ZNF611: variants seen among roughly 807,000 people sequenced by gnomAD.
The protein encoded by ZNF611 is zinc finger protein 611.
A neutral mutation model predicts 8.9 loss-of-function variants in ZNF611; 6 were observed. The observed-to-expected ratio is 0.68, with a 90% CI of 0.37 to 1.34. The LOEUF (loss-of-function observed/expected upper bound fraction) is 1.34, where lower values mean the gene tolerates loss of function less well. Among genes scored for constraint, ZNF611 ranks in the 40% most tolerant of loss-of-function variants. ZNF611 has a pLI of 0.02. For synonymous variants in ZNF611, 262 were observed against 279.7 expected (o/e 0.94, Z 0.63); for missense variants, 874 against 841.3 (o/e 1.04, Z -0.48).
In ZNF611 at chr19:52,706,829, A is replaced by G; in HGVS notation, c.226T>C (p.Ser76Pro). The G allele has an allele frequency of 6.2e-7, 1 of 1,610,536 alleles. No homozygotes were observed. Residue 76 changes from serine (S) to proline (P), a missense_variant, in exon 6 of 6, where the codon TCA becomes CCA. Physicochemically the swap from Ser to Pro is moderately conservative, Grantham distance 74 (BLOSUM62 -1). Transcript: ENST00000652185. Reference protein sequence around the residue: ...SSKCMMKEVLSTGQGNTEVIH... With the variant: ...SSKCMMKEVLPTGQGNTEVIH... ...ACTTCTGTATTGCCTTGCCCTGTTGACAAGACCTCCTTCATCATGCATTTG... is the reference window on the plus strand; with the variant it reads ...ACTTCTGTATTGCCTTGCCCTGTTGGCAAGACCTCCTTCATCATGCATTTG...
intron 5 of ZNF611, among the ~76,000 whole-genome samples, 163 bp from the exon 6 acceptor site, chr19:52,707,027 G>A (rs553254086): frequency 2.4e-4 from 36 of 151,886 alleles, no homozygotes; most frequent in Non-Finnish European, 3.8e-4. Context: ...GTAAATAAAG[G>A]GTGATTACAT....
At chr19:52,725,591 G>GGA (rs1480370673) in intron 3 of ZNF611, among the ~76,000 whole-genome samples, 4 of 152,178 alleles carry the variant, frequency 2.6e-5, no homozygotes, top group Non-Finnish European at 5.9e-5. Flanking sequence ...ACTCTTATGG[G>GGA]CGTCTCAATT....
intron 3 of ZNF611, among the ~76,000 whole-genome samples, chr19:52,718,377 T>G (rs566940298): frequency 6.6e-6 from 1 of 151,928 alleles, no homozygotes; most frequent in African/African-American, 2.4e-5. Flanking sequence ...TGGTGGGGCG[T>G]GCCTGTGGTC....
At chr19:52,734,545 G>C (rs1466231167) in intron 1 of ZNF611, among the ~76,000 whole-genome samples, 1 of 50,874 alleles carries the variant, frequency 2.0e-5, no homozygotes, top group Admixed American at 1.7e-4. Flanking sequence ...GCGGGGGGGG[G>C]GGGCGCGACG....
In ZNF611 at chr19:52,706,119, T is replaced by C; in HGVS notation, c.936A>G (p.Val312=). The C allele has an allele frequency of 1.9e-6, 3 of 1,613,828 alleles. No homozygotes were observed. The highest frequency in any genetic ancestry group is 1.7e-6 in the Non-Finnish European group (2 of 1,179,918). ...LTCHRRLHTG[V]KRYNCNECGK... ...CACACTCATTACAATTGTAACGTTT[T>C]ACTCCAGTATGAAGTCTACGATGGC... is the stretch of plus-strand genomic sequence containing the variant. The change falls in exon 6 of 6, where the codon GTA becomes GTG. Residue 312 remains valine, a synonymous_variant. Transcript: ENST00000652185.
In ZNF611 at chr19:52,706,684, C is replaced by A; in HGVS notation, c.371G>T (p.Gly124Val). The change falls in exon 6 of 6, where the codon GGC becomes GTC. Residue 124 changes from glycine (G) to valine (V), a missense_variant. Coordinates refer to ENST00000652185, the MANE Select transcript of ZNF611 (RefSeq NM_001161499.2). ...TATTTTTGTCATGGGTGCTTCAAGG[C>A]CATTTCTTTCATCTTCTTGACACTG... ...EFQCQEDERN[G>V]LEAPMTKIKK... is the part of the protein sequence containing the mutation. 6.2e-7 allele frequency: 1 copy of A among 1,614,044 alleles called. No individual in the cohort carries two copies. The highest frequency in any genetic ancestry group is 8.5e-7 in the Non-Finnish European group (1 of 1,179,988).
chr19:52,719,652 A>C (rs549295192), intron 3 of ZNF611, among the ~76,000 whole-genome samples: 3 of 152,152 alleles, frequency 2.0e-5, no homozygotes, highest in Non-Finnish European at 4.4e-5. Flanking sequence ...CTGTTCCATC[A>C]TTCTATACAT....
intron 3 of ZNF611, among the ~76,000 whole-genome samples, chr19:52,719,199 C>CA (rs932626903): frequency 2.0e-5 from 3 of 151,886 alleles, no homozygotes; most frequent in African/African-American, 4.8e-5. Flanking sequence ...TAAAAACACA[C>CA]AAAAAAACCA....
intron 3 of ZNF611, among the ~76,000 whole-genome samples, chr19:52,722,668 A>G: frequency 6.6e-6 from 1 of 152,174 alleles, no homozygotes; most frequent in African/African-American, 2.4e-5. Flanking sequence ...TATACACAGA[A>G]GTCAACATGT....
intron 3 of ZNF611, among the ~76,000 whole-genome samples, chr19:52,727,255 G>A (rs1218755305): frequency 2.6e-5 from 4 of 151,644 alleles, no homozygotes; most frequent in Non-Finnish European, 4.4e-5. Flanking sequence ...TCATCTCCAC[G>A]ATGATAATAG....
chr19:52,721,664 G>T (rs576244608), intron 3 of ZNF611, among the ~76,000 whole-genome samples: 1 of 151,668 alleles, frequency 6.6e-6, no homozygotes, highest in East Asian at 1.9e-4. Context: ...GGAGACCGTG[G>T]AAAGTGAGAG....
In ZNF611 at chr19:52,714,032, C is replaced by T; in HGVS notation, c.173G>A (p.Arg58Lys). 6.2e-7 allele frequency: 1 copy of T among 1,614,152 alleles called. No homozygotes were observed. Among genetic ancestry groups the T allele is most frequent in the Non-Finnish European group, 8.5e-7 (1 of 1,180,030 alleles). The change falls in exon 5 of 6, where the codon AGG becomes AAG. Residue 58 changes from arginine to lysine, a missense_variant. Physicochemically the swap from Arg to Lys is conservative, Grantham distance 26. Coordinates refer to ENST00000652185, the MANE Select transcript of ZNF611 (RefSeq NM_001161499.2). ...LYREVMLENYRNLEAVDISSK... is the reference protein window; with the variant it reads ...LYREVMLENYKNLEAVDISSK... ...TTCCTCACCCACAGCCTCCAGGTTC[C>T]TGTAGTTCTCCAACATCACTTCCCT...
chr19:52,731,789 T>A (rs1470300355), intron 1 of ZNF611, among the ~76,000 whole-genome samples: 1 of 151,522 alleles, frequency 6.6e-6, no homozygotes, highest in Non-Finnish European at 1.5e-5. Context: ...TGGATCAACA[T>A]GAAGAAACCC....
chr19:52,732,194 C>T lies in ZNF611; in HGVS notation c.-221-2189G>A, dbSNP rs185883194. Reference sequence around the variant, plus strand: ...CTGAGGCAGGAGAATGGCGTGAACCCGGGAGGCGGAGCTTGCAGTGAGCTG... The same window carrying T: ...CTGAGGCAGGAGAATGGCGTGAACCTGGGAGGCGGAGCTTGCAGTGAGCTG... On this transcript the variant is annotated intron_variant, in intron 1 of 5. Transcript: ENST00000652185. 1.4e-3 allele frequency among the ~76,000 whole-genome samples: 214 copies of T among 151,256 alleles called. 2 individuals are homozygous for T. Among genetic ancestry groups the T allele is most frequent in the African/African-American group, 4.8e-3 (199 of 41,208 alleles).
At chr19:52,721,166 G>A (rs140254219) in intron 3 of ZNF611, 2,469 of 155,620 alleles carry the variant, frequency 0.016, 61 homozygotes, top group African/African-American at 0.056. Context: ...ATGGGATGGC[G>A]GCCGTGCAGA....
At chr19:52,707,938 G>A (rs112638872) in intron 5 of ZNF611, among the ~76,000 whole-genome samples, 9 of 152,094 alleles carry the variant, frequency 5.9e-5, no homozygotes, top group African/African-American at 1.9e-4. Context: ...GTGGCACTTT[G>A]TGACATTAAC....
intron 3 of ZNF611, chr19:52,723,960 C>T (rs918427410): frequency 1.1e-4 from 17 of 152,276 alleles, no homozygotes; most frequent in Admixed American, 5.9e-4. Flanking sequence ...CATGTCTCAC[C>T]TACAGCCATA....
chr19:52,706,925 T>C, intron 5 of ZNF611, 61 bp from the exon 6 acceptor site: 1 of 1,537,058 alleles, frequency 6.5e-7, no homozygotes, highest in Non-Finnish European at 8.7e-7. Flanking sequence ...CACACTGAAG[T>C]GCATAAATAT....
At chr19:52,718,341 A>G (rs1366415006) in intron 3 of ZNF611, among the ~76,000 whole-genome samples, 1 of 151,988 alleles carries the variant, frequency 6.6e-6, no homozygotes, top group African/African-American at 2.4e-5. Context: ...ATAAATAAAA[A>G]TATATATCTA....
Sources: gnomAD v4.1 joint callset for allele counts (sites outside exome capture counted in the v4.1 genomes callset) on GRCh38, gnomAD v4.1.1 for gene constraint, MANE v1.5 for transcripts, NCBI Gene and HGNC (gene_info 2026-07-23, HGNC 2026-07-21) for gene names.